AMPH: variants seen among roughly 807,000 people sequenced by gnomAD.
AMPH encodes amphiphysin, also known as amphiphysin (Stiff-Mann syndrome with breast cancer 128kD autoantigen).
A neutral mutation model predicts 99.1 loss-of-function variants in AMPH; 49 were observed. The observed-to-expected ratio is 0.49, with a 90% CI of 0.39 to 0.63. AMPH has a LOEUF of 0.63. Ranked by LOEUF, AMPH falls within the 20% of genes least tolerant of loss-of-function variation. AMPH has a pLI of 0.00. For synonymous variants in AMPH, 314 were observed against 317.3 expected (o/e 0.99, Z 0.11); for missense variants, 759 against 863.4 (o/e 0.88, Z 1.52).
chr7:38,543,849 A>T (rs1285277141), intron 1 of AMPH, among the ~76,000 whole-genome samples: 1 of 152,224 alleles, frequency 6.6e-6, no homozygotes, highest in Non-Finnish European at 1.5e-5. Flanking sequence ...GAAAAATACC[A>T]AAGACTATAT....
chr7:38,427,189 G>A (rs534306282), intron 14 of AMPH, among the ~76,000 whole-genome samples: 3 of 150,410 alleles, frequency 2.0e-5, no homozygotes, highest in African/African-American at 7.3e-5. Flanking sequence ...AAAAAAGAAA[G>A]GTTAATTTTA....
intron 2 of AMPH, among the ~76,000 whole-genome samples, chr7:38,528,848 G>T (rs1226351210): frequency 6.6e-6 from 1 of 151,954 alleles, no homozygotes; most frequent in African/African-American, 2.4e-5. Context: ...TCTAATGCAA[G>T]CATTTAATGC....
chr7:38,538,087 T>C (rs1790681057), intron 1 of AMPH, among the ~76,000 whole-genome samples: 1 of 152,180 alleles, frequency 6.6e-6, no homozygotes. Context: ...CATCATAGTT[T>C]CCTAGAAATT....
At chr7:38,464,952 C>T (rs1315781893) in intron 9 of AMPH, among the ~76,000 whole-genome samples, 5 of 152,062 alleles carry the variant, frequency 3.3e-5, no homozygotes, top group African/African-American at 4.8e-5. Context: ...CATAATGCAA[C>T]GTGCAATAAA....
chr7:38,553,439 A>G (rs1376832989), intron 1 of AMPH, among the ~76,000 whole-genome samples: 1 of 152,214 alleles, frequency 6.6e-6, no homozygotes. Context: ...GCAGACAACC[A>G]TTTTGTAGTT....
intron 7 of AMPH, among the ~76,000 whole-genome samples, chr7:38,470,029 C>G (rs1207406653): frequency 1.3e-5 from 2 of 152,112 alleles, no homozygotes; most frequent in East Asian, 3.9e-4. Flanking sequence ...AGGCCACTAC[C>G]CTTGATCAGG....
intron 11 of AMPH, among the ~76,000 whole-genome samples, chr7:38,461,018 T>C (rs1291079960): frequency 6.6e-6 from 1 of 152,188 alleles, no homozygotes; most frequent in Admixed American, 6.5e-5. Context: ...AAAAATAAGA[T>C]AAATTATTCA....
chr7:38,485,000 C>A (rs995437930), intron 5 of AMPH, among the ~76,000 whole-genome samples: 2 of 151,064 alleles, frequency 1.3e-5, no homozygotes, highest in African/African-American at 2.4e-5. Flanking sequence ...ACAAAAAAAT[C>A]AAAGCATATC....
chr7:38,542,208 C>G (rs578060000), intron 1 of AMPH, among the ~76,000 whole-genome samples: 106 of 152,228 alleles, frequency 7.0e-4, no homozygotes, highest in African/African-American at 2.4e-3. Flanking sequence ...TTTTCATGAA[C>G]CTGATATCCT....
chr7:38,542,894 G>A (rs1790858725), intron 1 of AMPH, among the ~76,000 whole-genome samples: 2 of 152,116 alleles, frequency 1.3e-5, no homozygotes, highest in Non-Finnish European at 2.9e-5. Flanking sequence ...AGGAGTTTGA[G>A]ACCAGCTTGG....
chr7:38,394,897 C>T (rs551078333), intron 17 of AMPH, among the ~76,000 whole-genome samples: 3 of 152,338 alleles, frequency 2.0e-5, no homozygotes, highest in African/African-American at 7.2e-5. Flanking sequence ...TTCTTGCTTG[C>T]TATTTCCCCT....
intron 1 of AMPH, among the ~76,000 whole-genome samples, chr7:38,592,588 G>A (rs1052833348): frequency 5.9e-5 from 9 of 152,060 alleles, no homozygotes; most frequent in African/African-American, 9.6e-5. Flanking sequence ...AAAATTAGCC[G>A]GGCATGGTGG....
intron 17 of AMPH, among the ~76,000 whole-genome samples, chr7:38,411,769 C>T (rs1378136059): frequency 6.6e-6 from 1 of 152,118 alleles, no homozygotes; most frequent in East Asian, 1.9e-4. Flanking sequence ...GTCTTTTTAA[C>T]ATCTGAATGG....
intron 1 of AMPH, among the ~76,000 whole-genome samples, chr7:38,557,213 A>T (rs1007206500): frequency 2.4e-4 from 36 of 152,170 alleles, no homozygotes; most frequent in Admixed American, 1.9e-3. Flanking sequence ...CAACTACTTA[A>T]ACTACACGTG....
At chr7:38,467,588 C>T (rs756609487) in intron 7 of AMPH, among the ~76,000 whole-genome samples, 2 of 151,574 alleles carry the variant, frequency 1.3e-5, no homozygotes, top group Non-Finnish European at 2.9e-5. Flanking sequence ...ACGTACAATC[C>T]AGTTAGAGAA....
At chr7:38,613,623 T>C (rs557568465) in intron 1 of AMPH, among the ~76,000 whole-genome samples, 3 of 152,192 alleles carry the variant, frequency 2.0e-5, no homozygotes, top group Non-Finnish European at 4.4e-5. Flanking sequence ...GCTCTCCACT[T>C]CCACAGTATG....
intron 17 of AMPH, among the ~76,000 whole-genome samples, chr7:38,416,597 T>C (rs936362359): frequency 6.6e-6 from 1 of 152,202 alleles, no homozygotes; most frequent in African/African-American, 2.4e-5. Flanking sequence ...ATAAATTATC[T>C]TCTTAATTAT....
intron 1 of AMPH, among the ~76,000 whole-genome samples, chr7:38,586,817 T>C (rs1004263340): frequency 5.3e-5 from 8 of 152,244 alleles, no homozygotes; most frequent in Non-Finnish European, 8.8e-5. Context: ...GTCTTCTCTT[T>C]CATCTCCAAC....
chr7:38,417,656 A>G (rs1356052487), intron 17 of AMPH, among the ~76,000 whole-genome samples, 169 bp downstream of exon 17: 2 of 152,228 alleles, frequency 1.3e-5, no homozygotes, highest in Admixed American at 6.5e-5. Flanking sequence ...CTTCCTTAAT[A>G]AAAAATGAAA....
Sources: gnomAD v4.1 joint callset for allele counts (sites outside exome capture counted in the v4.1 genomes callset) on GRCh38, gnomAD v4.1.1 for gene constraint, MANE v1.5 for transcripts, NCBI Gene and HGNC (gene_info 2026-07-23, HGNC 2026-07-21) for gene names.